Variants in AHCTF1 observed in about 807,000 individuals in gnomAD.
The protein encoded by AHCTF1 is AT-hook containing transcription factor 1.
In AHCTF1, 24 loss-of-function variants were observed where a neutral mutation model predicts 248.4. The ratio of observed to expected loss-of-function variants is 0.10; its 90% CI spans 0.07 to 0.14. The LOEUF (loss-of-function observed/expected upper bound fraction) is 0.14. Ranked by LOEUF, AHCTF1 falls within the 10% of genes least tolerant of loss-of-function variation. The pLI is 1.00. For missense variants in AHCTF1, 2,206 were observed against 2,636.2 expected, an observed-to-expected ratio of 0.84 and a Z score of 3.57; for synonymous variants, 786 against 929.8, an observed-to-expected ratio of 0.85 and a Z score of 2.81.
intron 29 of AHCTF1, among the ~76,000 whole-genome samples, chr1:246,858,663 A>C (rs1230862215): frequency 6.6e-6 from 1 of 151,818 alleles, no homozygotes; most frequent in Non-Finnish European, 1.5e-5. Flanking sequence ...CCCCGCCTCT[A>C]ATAATACAAA....
intron 21 of AHCTF1, among the ~76,000 whole-genome samples, chr1:246,882,308 T>C (rs544351663): frequency 6.6e-6 from 1 of 152,278 alleles, no homozygotes; most frequent in East Asian, 1.9e-4. Context: ...ATTATTACTT[T>C]TAAACAGAGC....
Position 246,860,976 on chromosome 1 carries a change from G to A in AHCTF1, c.4055C>T (p.Thr1352Ile). 3 of 1,613,902 alleles carry A rather than the reference G, an allele frequency of 1.9e-6. No homozygotes were observed. The highest frequency in any genetic ancestry group is 2.5e-6 in the Non-Finnish European group (3 of 1,179,836). Residue 1352 changes from threonine (T) to isoleucine (I), a missense_variant, in exon 29 of 36, where the codon ACT becomes ATT. By Grantham distance (89) the Thr-to-Ile change is moderately conservative. Around this residue, in one of 6 missense-constraint regions of AHCTF1, gnomAD observed 955 missense variants for 1,055.6 expected, o/e 0.90. Coordinates refer to ENST00000648844, the MANE Select transcript of AHCTF1 (RefSeq NM_001323342.2). ...SSSTALTTNV[T>I]EQTEKDGDKD... ...ATCTCCATCCTTTTCAGTTTGTTCA[G>A]TTACATTAGTAGTTAGTGCAGTGGA...
At chr1:246,856,839 A>T (rs1236056277) in intron 30 of AHCTF1, among the ~76,000 whole-genome samples, 3 of 152,248 alleles carry the variant, frequency 2.0e-5, no homozygotes, top group Non-Finnish European at 4.4e-5. Context: ...TGAATTGTAT[A>T]GGTGGTCTGG....
chr1:246,876,928 A>G, intron 23 of AHCTF1, 22 bp downstream of exon 23: 1 of 1,610,384 alleles, frequency 6.2e-7, no homozygotes, highest in Non-Finnish European at 8.5e-7. Context: ...TATCCCCCAT[A>G]ATAAGACAAC....
intron 30 of AHCTF1, among the ~76,000 whole-genome samples, chr1:246,856,823 T>C (rs1661141702): frequency 6.6e-6 from 1 of 152,244 alleles, no homozygotes; most frequent in Non-Finnish European, 1.5e-5. Context: ...GTGACTATCA[T>C]GATACTGAAT....
At chr1:246,861,903 G>A (rs1661580227) in intron 28 of AHCTF1, 56 bp downstream of exon 28, 3 of 1,434,888 alleles carry the variant, frequency 2.1e-6, no homozygotes, top group Non-Finnish European at 2.9e-6. Flanking sequence ...TTACTTGTCA[G>A]AGCTAATACA....
chr1:246,931,438 CGCA>C, intron 1 of AHCTF1, 137 bp downstream of exon 1: 1 of 1,376,500 alleles, frequency 7.3e-7, no homozygotes, highest in East Asian at 2.9e-5. Context: ...GTTGGCCCCG[CGCA>C]CGCCCGGCCT....
At chr1:246,921,346 AGGTAT>A (rs1242778520) in intron 1 of AHCTF1, among the ~76,000 whole-genome samples, 3 of 151,920 alleles carry the variant, frequency 2.0e-5, no homozygotes, top group Admixed American at 2.0e-4. Flanking sequence ...CTGAGTACAC[AGGTAT>A]TCACTGCACC....
In AHCTF1 at chr1:246,878,396, C is replaced by CAAAAAAAA. The variant is rs1199465751; in HGVS notation, c.2661-1102_2661-1095dup. 1.6e-3 allele frequency among the ~76,000 whole-genome samples: 48 copies of CAAAAAAAA among 30,782 alleles called. 1 individual carries two copies. Among genetic ancestry groups the CAAAAAAAA allele is most frequent in the East Asian group, 2.0e-3 (1 of 498 alleles). The allele number at this position is 30,782 out of a possible 152,430, so 20.2% of individuals were successfully genotyped here. ...TGGCAGACAGAGCAAGATTCTGTCT[C>CAAAAAAAA]AAAAAAAAAAAAAAAAAAAAAAAAA... On this transcript the variant is annotated intron_variant, in intron 21 of 35. Coordinates refer to ENST00000648844, the MANE Select transcript of AHCTF1 (RefSeq NM_001323342.2).
chr1:246,856,416 G>C (rs1204360896), intron 30 of AHCTF1, among the ~76,000 whole-genome samples: 2 of 152,086 alleles, frequency 1.3e-5, no homozygotes, highest in Non-Finnish European at 2.9e-5. Context: ...TCAATAAAAA[G>C]GTATTTGAAA....
Position 246,916,364 on chromosome 1 carries a change from A to C in AHCTF1, c.153T>G (p.Gly51=). 6.2e-7 allele frequency: 1 copy of C among 1,603,476 alleles called. No individual in the cohort carries two copies. Among genetic ancestry groups the C allele is most frequent in the Non-Finnish European group, 8.5e-7 (1 of 1,176,800 alleles). Residue 51 remains glycine (G), a synonymous_variant, in exon 3 of 36, where the codon GGT becomes GGG. Transcript: ENST00000648844. Reference sequence around the variant, plus strand: ...TAGAGTTTACTACCTCAAGTTGTGGACCACAAGCCAAGCAAGCAAGTCCAT... The same window carrying C: ...TAGAGTTTACTACCTCAAGTTGTGGCCCACAAGCCAAGCAAGCAAGTCCAT... ...GKNGLACLAC[G]PQLEVVNSIT...
At chr1:246,890,875 C>G in intron 16 of AHCTF1, 81 bp downstream of exon 16, 1 of 899,962 alleles carries the variant, frequency 1.1e-6, no homozygotes, top group South Asian at 3.5e-5. Flanking sequence ...AAAAGAAACC[C>G]AAAGCATTAG....
Position 246,868,057 on chromosome 1 carries a change from G to A in AHCTF1, c.3089-246C>T, listed in dbSNP as rs1338229111. On this transcript the variant is annotated intron_variant, in intron 24 of 35. Coordinates refer to ENST00000648844, the MANE Select transcript of AHCTF1 (RefSeq NM_001323342.2). Reference sequence around the variant, plus strand: ...GGCTCACTGCACCCTCTGCCTCCTGGGTTCAAGCGATTCTCCTGCCTCAGC... The same window carrying A: ...GGCTCACTGCACCCTCTGCCTCCTGAGTTCAAGCGATTCTCCTGCCTCAGC... Among the ~76,000 whole-genome samples, 3 of 151,690 alleles carry A rather than the reference G, an allele frequency of 2.0e-5. No homozygotes were observed. In the East Asian group the frequency reaches 5.8e-4, roughly 29 times the overall value.
intron 31 of AHCTF1, among the ~76,000 whole-genome samples, chr1:246,855,339 T>C (rs1353965821): frequency 6.6e-6 from 1 of 152,188 alleles, no homozygotes; most frequent in Non-Finnish European, 1.5e-5. Context: ...AAAAATTCCA[T>C]ATATTTGTTA....
intron 21 of AHCTF1, among the ~76,000 whole-genome samples, chr1:246,880,019 T>C (rs1023106180): frequency 2.6e-5 from 4 of 152,100 alleles, no homozygotes; most frequent in Non-Finnish European, 4.4e-5. Context: ...GCTGTTTTTA[T>C]TTGTTAAAAG....
rs1425397397 is a variant in AHCTF1, at chr1:246,857,604, C to G, written c.4256+87G>C. ...GAGATGTTAAAGATCTAAGTGAAAT[C>G]TAACATGCACAGAATATTTTACTTC... is the stretch of plus-strand genomic sequence containing the variant. On this transcript the variant is annotated intron_variant, in intron 30 of 35. Transcript: ENST00000648844. 4 of 1,374,178 alleles carry G rather than the reference C, an allele frequency of 2.9e-6. No homozygotes were observed. The Admixed American group carries it at 1.0e-4, about 34-fold the overall frequency. The allele number at this position is 1,374,178 out of a possible 1,614,324, so 85.1% of individuals were successfully genotyped here.
intron 4 of AHCTF1, among the ~76,000 whole-genome samples, chr1:246,911,690 G>T (rs1334865380): frequency 6.6e-6 from 1 of 151,944 alleles, no homozygotes; most frequent in Non-Finnish European, 1.5e-5. Context: ...CTCCATGTTG[G>T]TCAGGCTGGT....
intron 34 of AHCTF1, 135 bp downstream of exon 34, chr1:246,843,654 CTGTTAT>C: frequency 1.3e-6 from 1 of 760,886 alleles, no homozygotes; most frequent in Middle Eastern, 5.5e-4. Context: ...GTATGCATGA[CTGTTAT>C]CTTTAAGACA....
chr1:246,924,091 C>A (rs1042385446), intron 1 of AHCTF1, among the ~76,000 whole-genome samples: 30 of 152,176 alleles, frequency 2.0e-4, no homozygotes, highest in Non-Finnish European at 8.8e-5. Flanking sequence ...GGACTACATT[C>A]AGTTCCAACA....
Sources: gnomAD v4.1 joint callset for allele counts (sites outside exome capture counted in the v4.1 genomes callset) on GRCh38, gnomAD v4.1.1 for gene constraint, gnomAD v4.1.1 regional missense constraint, MANE v1.5 for transcripts, NCBI Gene and HGNC (gene_info 2026-07-23, HGNC 2026-07-21) for gene names.